The following SLC44A3 variants were observed in gnomAD, a reference collection of about 807,000 sequenced individuals.
SLC44A3 encodes choline transporter-like protein 3.
SLC44A3 carries 74 observed loss-of-function variants against 75.4 expected under a neutral mutation model. The observed-to-expected ratio is 0.98, with a 90% CI of 0.81 to 1.19. SLC44A3 has a LOEUF of 1.19. Among genes scored for constraint, SLC44A3 ranks in the 50% most tolerant of loss-of-function variants. SLC44A3 has a pLI of 0.00. For synonymous variants in SLC44A3, 310 were observed against 296.9 expected, an observed-to-expected ratio of 1.04 and a Z score of -0.45; for missense variants, 700 against 778.6, an observed-to-expected ratio of 0.90 and a Z score of 1.20.
At chr1:94,871,542 A>C (rs553837355) in intron 12 of SLC44A3, among the ~76,000 whole-genome samples, 2 of 152,304 alleles carry the variant, frequency 1.3e-5, no homozygotes, top group South Asian at 4.1e-4. Context: ...AGGTCTGCAC[A>C]CAGTTCCTCA....
rs1046538502 is a variant in SLC44A3 at position 94,820,842 on chromosome 1, G to T, written c.28-107G>T. 6.8e-6 allele frequency: 9 copies of T among 1,320,138 alleles called. No individual in the cohort carries two copies. In the African/African-American group the frequency reaches 1.0e-4, roughly 15 times the overall value. The allele number at this position is 1,320,138 out of a possible 1,614,324, so 81.8% of individuals were successfully genotyped here. On this transcript the variant is annotated intron_variant, in intron 1 of 14. Coordinates refer to ENST00000271227, the MANE Select transcript of SLC44A3 (RefSeq NM_001114106.3). ...AAATAATATTAATTTTAAAAATTTAGAAAAAGATTGGTTACTTTGGCCCCT... is the reference window on the plus strand; with the variant it reads ...AAATAATATTAATTTTAAAAATTTATAAAAAGATTGGTTACTTTGGCCCCT...
chr1:94,876,979 T>C (rs1277818725), intron 12 of SLC44A3, among the ~76,000 whole-genome samples: 1 of 152,082 alleles, frequency 6.6e-6, no homozygotes, highest in Non-Finnish European at 1.5e-5. Context: ...TGGTCACCTA[T>C]GGTCCTATCT....
intron 2 of SLC44A3, among the ~76,000 whole-genome samples, chr1:94,822,793 G>C (rs1321715070): frequency 6.6e-6 from 1 of 152,182 alleles, no homozygotes; most frequent in African/African-American, 2.4e-5. Flanking sequence ...AGGCACGGTT[G>C]ACAGTGACTA....
intron 12 of SLC44A3, among the ~76,000 whole-genome samples, chr1:94,885,495 A>C (rs1373328217): frequency 6.6e-6 from 1 of 152,164 alleles, no homozygotes; most frequent in East Asian, 1.9e-4. Flanking sequence ...GCCTCTTTCC[A>C]CTAAGCCATC....
intron 14 of SLC44A3, among the ~76,000 whole-genome samples, chr1:94,892,948 C>T (rs1314867857): frequency 1.3e-5 from 2 of 152,218 alleles, no homozygotes; most frequent in Non-Finnish European, 2.9e-5. Flanking sequence ...AGGGAGAGCA[C>T]ACTTGTGTGC....
chr1:94,883,169 G>A (rs1669179852), intron 12 of SLC44A3, among the ~76,000 whole-genome samples: 1 of 151,588 alleles, frequency 6.6e-6, no homozygotes, highest in African/African-American at 2.4e-5. Context: ...TGTGTGAAGG[G>A]GCAGGCATGG....
chr1:94,852,993 A>C (rs1229647817), intron 9 of SLC44A3, among the ~76,000 whole-genome samples: 4 of 152,206 alleles, frequency 2.6e-5, no homozygotes, highest in Admixed American at 1.3e-4. Flanking sequence ...TTAGTGGAGG[A>C]GGTCCTGGCT....
At chr1:94,883,033 C>T in intron 12 of SLC44A3, among the ~76,000 whole-genome samples, 1 of 151,094 alleles carries the variant, frequency 6.6e-6, no homozygotes, top group East Asian at 1.9e-4. Context: ...TTTATCTGTT[C>T]AACAAATATT....
chr1:94,839,547 C>T (rs911435039), intron 6 of SLC44A3, among the ~76,000 whole-genome samples: 4 of 152,022 alleles, frequency 2.6e-5, no homozygotes, highest in Non-Finnish European at 5.9e-5. Flanking sequence ...CGCCACCATG[C>T]CTGGCTAATT....
chr1:94,821,610 G>T (rs1338897965), intron 2 of SLC44A3, among the ~76,000 whole-genome samples: 1 of 152,168 alleles, frequency 6.6e-6, no homozygotes, highest in East Asian at 1.9e-4. Flanking sequence ...ATCAGGCTAT[G>T]CGGTTATAAT....
chr1:94,880,768 A>G (rs1393619974), intron 12 of SLC44A3, among the ~76,000 whole-genome samples: 1 of 152,166 alleles, frequency 6.6e-6, no homozygotes, highest in Non-Finnish European at 1.5e-5. Flanking sequence ...TAGTGGGTAT[A>G]GGGTTTCAGT....
intron 7 of SLC44A3, among the ~76,000 whole-genome samples, chr1:94,840,410 C>A (rs1663459998): frequency 6.6e-6 from 1 of 151,472 alleles, no homozygotes; most frequent in Admixed American, 6.6e-5. Flanking sequence ...CTGTCTCAGC[C>A]CCCCAGGTAG....
At chr1:94,874,629 G>C (rs1420953071) in intron 12 of SLC44A3, among the ~76,000 whole-genome samples, 9 of 152,200 alleles carry the variant, frequency 5.9e-5, no homozygotes, top group Non-Finnish European at 4.4e-5. Flanking sequence ...AAATGACTTC[G>C]ACTTCCTCCT....
intron 10 of SLC44A3, among the ~76,000 whole-genome samples, chr1:94,862,007 A>G (rs1666636699): frequency 6.6e-6 from 1 of 152,262 alleles, no homozygotes; most frequent in South Asian, 2.1e-4. Context: ...ATGGATTCAT[A>G]GCAGAGCCTA....
At chr1:94,847,126 G>GA in intron 9 of SLC44A3, among the ~76,000 whole-genome samples, 1 of 152,234 alleles carries the variant, frequency 6.6e-6, no homozygotes, top group African/African-American at 2.4e-5. Flanking sequence ...TCAGAATGAG[G>GA]TTTGTCTGGA....
chr1:94,886,171 G>A (rs1227860656), intron 12 of SLC44A3, among the ~76,000 whole-genome samples: 2 of 152,288 alleles, frequency 1.3e-5, no homozygotes, highest in South Asian at 2.1e-4. Flanking sequence ...GCAGAGCCCC[G>A]TAGGCATTGT....
chr1:94,864,925 A>G lies in SLC44A3; in HGVS notation c.1395+26A>G, dbSNP rs781711160. On this transcript the variant is annotated intron_variant, in intron 11 of 14. Transcript: ENST00000271227. The stretch of plus-strand genomic sequence containing the variant: ...GTAAGGCTACCTCCTGATACACAGC[A>G]CGTTCTGTGTTTGGGTTGCCAGAAA... 7.3e-5 allele frequency: 117 copies of G among 1,607,820 alleles called. 3 individuals are homozygous for G. In the South Asian group the frequency reaches 1.2e-3, roughly 17 times the overall value.
intron 12 of SLC44A3, among the ~76,000 whole-genome samples, chr1:94,886,732 G>A (rs1669634563): frequency 6.6e-6 from 1 of 152,080 alleles, no homozygotes; most frequent in Non-Finnish European, 1.5e-5. Context: ...TTCCCCCAGT[G>A]CTTCTCAGCC....
At chr1:94,848,807 G>A (rs1027908473) in intron 9 of SLC44A3, among the ~76,000 whole-genome samples, 6 of 152,218 alleles carry the variant, frequency 3.9e-5, no homozygotes, top group African/African-American at 2.4e-5. Flanking sequence ...GAGAAATCTG[G>A]GGAGCTATGG....
Sources: gnomAD v4.1 joint callset for allele counts (sites outside exome capture counted in the v4.1 genomes callset) on GRCh38, gnomAD v4.1.1 for gene constraint, MANE v1.5 for transcripts, NCBI Gene and HGNC (gene_info 2026-07-23, HGNC 2026-07-21) for gene names.